Variants in RANBP2 observed in about 807,000 individuals in gnomAD.
RANBP2 encodes E3 SUMO-protein ligase RanBP2.
In RANBP2, 57 loss-of-function variants were observed where a neutral mutation model predicts 303.6. The ratio of observed to expected loss-of-function variants is 0.19; its 90% CI spans 0.15 to 0.23. The LOEUF (loss-of-function observed/expected upper bound fraction) is 0.23. RANBP2 is among the 10% of genes least tolerant of loss of function. RANBP2 has a pLI of 1.00. For synonymous variants in RANBP2, 1,167 were observed against 1,301.5 expected, an observed-to-expected ratio of 0.90 and a Z score of 2.23; for missense variants, 3,138 against 3,780.8, an observed-to-expected ratio of 0.83 and a Z score of 4.46.
chr2:108,841,289 T>C, the RANBP2 span, among the ~76,000 whole-genome samples: 2 of 152,228 alleles, frequency 1.3e-5, no homozygotes, highest in Admixed American at 1.3e-4. Context: ...TGGTTGATGG[T>C]GTTTGTGAGT....
the RANBP2 span, among the ~76,000 whole-genome samples, chr2:109,271,412 A>G: frequency 6.6e-6 from 1 of 152,360 alleles, no homozygotes; most frequent in Middle Eastern, 3.4e-3. Flanking sequence ...AAAACATTTC[A>G]CATTTGGCTT....
At chr2:109,360,827 T>C in the RANBP2 span, among the ~76,000 whole-genome samples, 3 of 152,218 alleles carry the variant, frequency 2.0e-5, no homozygotes, top group African/African-American at 7.2e-5. Flanking sequence ...CTTGTCTTAT[T>C]GTATTATCAA....
chr2:109,033,925 C>T, the RANBP2 span, among the ~76,000 whole-genome samples: 2 of 146,124 alleles, frequency 1.4e-5, no homozygotes, highest in African/African-American at 5.1e-5. Context: ...CACTGCACTT[C>T]AGCCTGGCGA....
At chr2:108,977,810 A>T in the RANBP2 span, among the ~76,000 whole-genome samples, 1 of 152,194 alleles carries the variant, frequency 6.6e-6, no homozygotes, top group African/African-American at 2.4e-5. Flanking sequence ...TCCTGCTGAG[A>T]GCCGCACCCT....
chr2:109,501,839 C>T, the RANBP2 span: 2 of 588,262 alleles, frequency 3.4e-6, no homozygotes, highest in Non-Finnish European at 6.1e-6. Context: ...GAGGTCGTGC[C>T]TTCTCCCAAA....
chr2:108,838,711 G>C, the RANBP2 span, among the ~76,000 whole-genome samples: 11 of 152,030 alleles, frequency 7.2e-5, no homozygotes, highest in East Asian at 1.9e-3. Context: ...TAGTACTCCA[G>C]TTTCTGAAAT....
chr2:109,615,998 G>A, the RANBP2 span: 5 of 1,540,362 alleles, frequency 3.2e-6, no homozygotes, highest in African/African-American at 1.4e-5. Context: ...AGGAGGGAGT[G>A]GGGGAGGAAC....
chr2:109,166,366 A>C, the RANBP2 span, among the ~76,000 whole-genome samples: 1 of 150,906 alleles, frequency 6.6e-6, no homozygotes, highest in African/African-American at 2.4e-5. Context: ...AGTCCCAGCT[A>C]CTTGGGAGGC....
At chr2:109,256,907 T>C in the RANBP2 span, among the ~76,000 whole-genome samples, 1 of 152,202 alleles carries the variant, frequency 6.6e-6, no homozygotes, top group Non-Finnish European at 1.5e-5. Context: ...CATTTTTATG[T>C]GTTTTTCATG....
the RANBP2 span, among the ~76,000 whole-genome samples, chr2:108,820,548 A>G: frequency 6.6e-6 from 1 of 152,172 alleles, no homozygotes; most frequent in African/African-American, 2.4e-5. Context: ...CATTATAATC[A>G]AATTGTCAAA....
chr2:109,240,178 C>T, the RANBP2 span, among the ~76,000 whole-genome samples: 2 of 152,194 alleles, frequency 1.3e-5, no homozygotes, highest in African/African-American at 4.8e-5. Flanking sequence ...CATTTATCAC[C>T]TCTGGGCCTC....
At chr2:109,565,774 C>T in the RANBP2 span, 3 of 1,613,778 alleles carry the variant, frequency 1.9e-6, no homozygotes, top group East Asian at 2.2e-5. Context: ...TTGTACAACA[C>T]CCCAAGGGTA....
the RANBP2 span, among the ~76,000 whole-genome samples, chr2:109,032,825 C>T: frequency 3.3e-5 from 5 of 152,362 alleles, no homozygotes; most frequent in South Asian, 2.1e-4. Context: ...GAGGAGCAAT[C>T]GCCTAATTCC....
chr2:108,910,394 G>A, the RANBP2 span: 10 of 1,349,212 alleles, frequency 7.4e-6, no homozygotes, highest in African/African-American at 1.1e-4. Context: ...CTGCACCCTG[G>A]TTCCCCTCCC....
chr2:109,711,055 G>A, the RANBP2 span, among the ~76,000 whole-genome samples: 2 of 151,806 alleles, frequency 1.3e-5, no homozygotes, highest in African/African-American at 4.8e-5. Context: ...CTGTAAGCTG[G>A]TGACACATTT....
At chr2:109,080,259 G>A in the RANBP2 span, among the ~76,000 whole-genome samples, 1 of 150,402 alleles carries the variant, frequency 6.6e-6, no homozygotes, top group Non-Finnish European at 1.5e-5. Flanking sequence ...ATAGCTGAGA[G>A]GGCAGCAGTT....
chr2:109,129,845 G>C, the RANBP2 span: 1 of 1,531,076 alleles, frequency 6.5e-7, no homozygotes, highest in Non-Finnish European at 8.7e-7. Flanking sequence ...ATCCTGGTGG[G>C]CTGCGGCGTG....
At chr2:109,036,469 A>G in the RANBP2 span, among the ~76,000 whole-genome samples, 2 of 152,232 alleles carry the variant, frequency 1.3e-5, no homozygotes, top group South Asian at 2.1e-4. Context: ...ACAGCATCGT[A>G]TATAAAAAAT....
chr2:109,103,560 T>C, the RANBP2 span, among the ~76,000 whole-genome samples: 1 of 152,052 alleles, frequency 6.6e-6, no homozygotes, highest in Non-Finnish European at 1.5e-5. Flanking sequence ...ATCTAAAGAG[T>C]TGAAGTCAGC....
Sources: allele counts gnomAD v4.1 joint callset (sites outside exome capture counted in the v4.1 genomes callset), GRCh38; gene constraint gnomAD v4.1.1; transcripts MANE v1.5; gene names NCBI Gene and HGNC (gene_info 2026-07-23, HGNC 2026-07-21).